KDM5B: variants seen among roughly 807,000 people sequenced by gnomAD.
The protein encoded by KDM5B is lysine demethylase 5B.
KDM5B carries 144 observed loss-of-function variants against 193.4 expected under a neutral mutation model. That is an observed-to-expected ratio of 0.74 (90% CI 0.65 to 0.86). KDM5B has a LOEUF of 0.86. KDM5B is among the 40% of genes least tolerant of loss of function. The pLI, the probability that KDM5B is intolerant of heterozygous loss-of-function variation, is 0.00. For missense variants in KDM5B, 1,833 were observed against 1,886.9 expected, an observed-to-expected ratio of 0.97 and a Z score of 0.53; for synonymous variants, 668 against 682.6, an observed-to-expected ratio of 0.98 and a Z score of 0.33.
chr1:202,763,971 T>G (rs1207165474), intron 6 of KDM5B, 78 bp downstream of exon 6: 7 of 822,272 alleles, frequency 8.5e-6, no homozygotes, highest in Non-Finnish European at 3.9e-6. Context: ...TATTGAATTT[T>G]CAGCTTATGT....
At chr1:202,731,718 C>T in intron 24 of KDM5B, 110 bp downstream of exon 24, 5 of 827,442 alleles carry the variant, frequency 6.0e-6, no homozygotes, top group Non-Finnish European at 2.0e-6. Context: ...CTATATCCTA[C>T]ATTTCAGCAT....
intron 6 of KDM5B, among the ~76,000 whole-genome samples, chr1:202,763,565 GGATAT>G (rs1369297157): frequency 1.3e-5 from 2 of 151,942 alleles, no homozygotes; most frequent in African/African-American, 4.8e-5. Flanking sequence ...CTCCTATATA[GGATAT>G]AAGATTTCTC....
chr1:202,782,337 T>C (rs933333951), intron 1 of KDM5B, among the ~76,000 whole-genome samples: 1 of 152,202 alleles, frequency 6.6e-6, no homozygotes, highest in African/African-American at 2.4e-5. Flanking sequence ...TTTGGCAAAG[T>C]CTGACCTCAA....
At chr1:202,752,826 T>A (rs1572726518) in intron 12 of KDM5B, 79 bp downstream of exon 12, 2 of 1,352,042 alleles carry the variant, frequency 1.5e-6, no homozygotes, top group East Asian at 4.6e-5. Context: ...TAAATCAACA[T>A]CATAAAAAAG....
At chr1:202,779,913 GA>G (rs1409162515) in intron 1 of KDM5B, among the ~76,000 whole-genome samples, 22 of 152,048 alleles carry the variant, frequency 1.4e-4, no homozygotes, top group African/African-American at 5.1e-4. Context: ...AGGAATGTAC[GA>G]TTATTATGGT....
chr1:202,806,980 G>A (rs1047932096), intron 1 of KDM5B: 1 of 152,286 alleles, frequency 6.6e-6, no homozygotes, highest in Admixed American at 6.5e-5. Context: ...AGCGCACCCA[G>A]TTCCGGCCAC....
At chr1:202,760,624 A>G (rs1656209373) in intron 7 of KDM5B, 51 bp from the exon 8 acceptor site, 5 of 1,370,270 alleles carry the variant, frequency 3.6e-6, no homozygotes, top group Non-Finnish European at 5.0e-6. Flanking sequence ...CTATTATTTG[A>G]TTTTCTAAAA....
At position 202,725,786 on chromosome 1, in the gene KDM5B, CT is replaced by C. The variant is rs1654655663; in HGVS notation, c.*3249del. 1.3e-5 allele frequency: 2 copies of C among 152,350 alleles called. No individual in the cohort carries two copies. The highest frequency in any genetic ancestry group is 4.1e-4 in the South Asian group (2 of 4,824). 9.4% of individuals were successfully genotyped at this position (152,350 alleles called of 1,614,324 possible). A position where few individuals can be genotyped will look rare whatever the true frequency, so the allele number is the denominator to read the frequency against. ...ACAATGGGCAATGACTCTTAAAATC[CT>C]TGTTGTCCAATTCTGTCTCCTGTTA... is the stretch of plus-strand genomic sequence containing the variant. On this transcript the variant is annotated 3_prime_UTR_variant, in exon 27 of 27. Transcript: ENST00000367265.
At position 202,733,097 on chromosome 1, in the gene KDM5B, C is replaced by T. The variant is rs921894326; in HGVS notation, c.3909+304G>A. Reference sequence around the variant, plus strand: ...CAAAGACTTAAAGATACATCATATACGTATATGTAAAATATAAATGGGTCA... The same window carrying T: ...CAAAGACTTAAAGATACATCATATATGTATATGTAAAATATAAATGGGTCA... On this transcript the variant is annotated intron_variant, in intron 23 of 26. Transcript: ENST00000367265. 3.9e-5 allele frequency among the ~76,000 whole-genome samples: 6 copies of T among 152,012 alleles called. No individual in the cohort carries two copies. The East Asian group carries it at 5.8e-4, about 15-fold the overall frequency.
At chr1:202,777,534 C>G (rs1657010369) in intron 1 of KDM5B, among the ~76,000 whole-genome samples, 1 of 151,598 alleles carries the variant, frequency 6.6e-6, no homozygotes, top group African/African-American at 2.4e-5. Context: ...CACTCTGTTG[C>G]CCAGGCTTAA....
intron 1 of KDM5B, among the ~76,000 whole-genome samples, chr1:202,793,255 CTTTTGT>C (rs1214679373): frequency 6.6e-6 from 1 of 152,120 alleles, no homozygotes; most frequent in African/African-American, 2.4e-5. Context: ...AAATATGTTG[CTTTTGT>C]TTTTGTTTTG....
intron 24 of KDM5B, 61 bp from the exon 25 acceptor site, chr1:202,731,124 G>C: frequency 7.1e-7 from 1 of 1,398,896 alleles, no homozygotes; most frequent in South Asian, 1.4e-5. Context: ...ATTCACATTT[G>C]GGTTTATGAG....
At chr1:202,736,126 G>T (rs1334114398) in intron 21 of KDM5B, 87 bp downstream of exon 21, 3 of 960,496 alleles carry the variant, frequency 3.1e-6, no homozygotes, top group Non-Finnish European at 4.5e-6. Context: ...AGATTAATCT[G>T]TGATGTCATC....
At chr1:202,746,585 A>T (rs1655570191) in intron 14 of KDM5B, 1 of 326,090 alleles carries the variant, frequency 3.1e-6, no homozygotes, top group South Asian at 1.2e-4. Flanking sequence ...ACACCATAGG[A>T]CTGTAAAACT....
intron 1 of KDM5B, among the ~76,000 whole-genome samples, chr1:202,786,190 GT>G (rs1172685174): frequency 0.011 from 505 of 46,190 alleles, 3 homozygotes; most frequent in African/African-American, 0.027. Flanking sequence ...GAGACGGGGG[GT>G]GGGGGGGGGG....
At chr1:202,769,775 C>T (rs181082286) in intron 4 of KDM5B, among the ~76,000 whole-genome samples, 1 of 151,338 alleles carries the variant, frequency 6.6e-6, no homozygotes, top group East Asian at 1.9e-4. Flanking sequence ...AGAACATTGC[C>T]TTCTATTCTA....
intron 20 of KDM5B, among the ~76,000 whole-genome samples, chr1:202,739,825 A>G (rs1655237550): frequency 6.6e-6 from 1 of 152,240 alleles, no homozygotes; most frequent in African/African-American, 2.4e-5. Flanking sequence ...CCAAGGCAGA[A>G]GAATTTTTCT....
chr1:202,743,071 C>G (rs1342923115), intron 16 of KDM5B, among the ~76,000 whole-genome samples: 2 of 152,022 alleles, frequency 1.3e-5, no homozygotes, highest in Non-Finnish European at 2.9e-5. Context: ...TACAGTGGCT[C>G]ACGCCTGTAA....
At chr1:202,788,022 A>G (rs570158989) in intron 1 of KDM5B, among the ~76,000 whole-genome samples, 1 of 152,318 alleles carries the variant, frequency 6.6e-6, no homozygotes, top group East Asian at 1.9e-4. Context: ...ACACCCTGGA[A>G]GTAACTGCCC....
Sources: gnomAD v4.1 joint callset for allele counts (sites outside exome capture counted in the v4.1 genomes callset) on GRCh38, gnomAD v4.1.1 for gene constraint, MANE v1.5 for transcripts, NCBI Gene and HGNC (gene_info 2026-07-23, HGNC 2026-07-21) for gene names.